The following BCAR3 variants were observed in gnomAD, a reference collection of about 807,000 sequenced individuals.
BCAR3 encodes BCAR3 adaptor protein, NSP family member.
BCAR3 carries 37 observed loss-of-function variants against 80.1 expected under a neutral mutation model. That is an observed-to-expected ratio of 0.46 (90% CI 0.36 to 0.61). The LOEUF (loss-of-function observed/expected upper bound fraction) is 0.61, where lower values mean the gene tolerates loss of function less well. BCAR3 is among the 20% of genes least tolerant of loss of function. The pLI is 0.00. For missense variants in BCAR3, 978 were observed against 1,068.2 expected (o/e 0.92, Z 1.18); for synonymous variants, 389 against 418.9 (o/e 0.93, Z 0.87).
chr1:93,647,326 C>T (rs1165164826), intron 2 of BCAR3, among the ~76,000 whole-genome samples: 2 of 152,140 alleles, frequency 1.3e-5, no homozygotes, highest in Non-Finnish European at 2.9e-5. Context: ...AGAGATGCAC[C>T]TCCTTGCTGG....
intron 3 of BCAR3, among the ~76,000 whole-genome samples, chr1:93,595,937 A>G (rs1484023420): frequency 1.3e-5 from 2 of 152,204 alleles, no homozygotes; most frequent in East Asian, 3.9e-4. Flanking sequence ...TTCTGCTGCC[A>G]CGTGGGAAGA....
At chr1:93,661,135 G>A (rs1442502899) in intron 2 of BCAR3, among the ~76,000 whole-genome samples, 1 of 152,170 alleles carries the variant, frequency 6.6e-6, no homozygotes, top group East Asian at 1.9e-4. Flanking sequence ...CGCCTCCCGG[G>A]TTCAAGTGAT....
In BCAR3 at chr1:93,745,496, C is replaced by T. The variant is rs147931783; in HGVS notation, c.-62-39354G>A. Among the ~76,000 whole-genome samples, 138 of 151,446 alleles carry T rather than the reference C, an allele frequency of 9.1e-4. 3 individuals carry two copies. The East Asian group carries it at 0.025, about 27-fold the overall frequency. On this transcript the variant is annotated intron_variant, in intron 2 of 13. Transcript: ENST00000370244. ...AAATTAAAGGTGGGAGATCAAGATGCTTTTATCTTTCTCCTACCCCCCACC... is the reference window on the plus strand; with the variant it reads ...AAATTAAAGGTGGGAGATCAAGATGTTTTTATCTTTCTCCTACCCCCCACC...
chr1:93,758,509 C>T (rs4526623), intron 2 of BCAR3, among the ~76,000 whole-genome samples: 27,209 of 152,166 alleles, frequency 0.18, 3,527 homozygotes, highest in African/African-American at 0.36. Context: ...CACCCCTAAT[C>T]GGGAGCCAGT....
intron 2 of BCAR3, among the ~76,000 whole-genome samples, chr1:93,801,773 A>G (rs776898139): frequency 3.9e-5 from 6 of 152,164 alleles, no homozygotes; most frequent in Admixed American, 3.3e-4. Flanking sequence ...CAGTAGTAAC[A>G]TAGTAAGGCA....
intron 5 of BCAR3, among the ~76,000 whole-genome samples, chr1:93,584,684 TCC>T (rs1673870590): frequency 6.6e-6 from 1 of 152,068 alleles, no homozygotes; most frequent in African/African-American, 2.4e-5. Flanking sequence ...CCACACAGCC[TCC>T]TCCTGCTGAG....
At chr1:93,606,088 G>A (rs1674765034) in intron 3 of BCAR3, among the ~76,000 whole-genome samples, 1 of 152,184 alleles carries the variant, frequency 6.6e-6, no homozygotes, top group South Asian at 2.1e-4. Context: ...CACAAGATGG[G>A]TTTTGGCCAG....
rs373464426 is a variant in BCAR3, at chr1:93,567,264, A to G, written c.2299+15T>C. The G allele has an allele frequency of 1.5e-4, 237 of 1,613,016 alleles. No homozygotes were observed. The highest frequency in any genetic ancestry group is 1.8e-4 in the Non-Finnish European group (215 of 1,179,770). Reference sequence around the variant, plus strand: ...ATACAGTGTTAGAGAACAGCTTACAAAACCCATCTCTTACCTGCCAGGATC... The same window carrying G: ...ATACAGTGTTAGAGAACAGCTTACAGAACCCATCTCTTACCTGCCAGGATC... On this transcript the variant is annotated intron_variant, in intron 11 of 11. Coordinates refer to ENST00000260502, the MANE Select transcript of BCAR3 (RefSeq NM_003567.4).
rs12402671 is a variant in BCAR3, at chr1:93,823,114, C to T, written c.-63+22453G>A. The stretch of plus-strand genomic sequence containing the variant: ...AGTAGCCATCATGCCACTCTGAAGG[C>T]GTACAGCGTGGAAATGACAGAGCTG... On this transcript the variant is annotated intron_variant, in intron 2 of 13. Transcript: ENST00000370244. Among the ~76,000 whole-genome samples the T allele has an allele frequency of 8.3e-5, 11 of 132,076 alleles. 1 individual carries two copies. Among genetic ancestry groups the T allele is most frequent in the Admixed American group, 3.9e-4 (5 of 12,738 alleles). 86.6% of individuals were successfully genotyped at this position (132,076 alleles called of 152,430 possible). A position where few individuals can be genotyped will look rare whatever the true frequency, so the allele number is the denominator to read the frequency against.
At chr1:93,747,444 G>A (rs1651399579) in intron 2 of BCAR3, among the ~76,000 whole-genome samples, 1 of 151,680 alleles carries the variant, frequency 6.6e-6, no homozygotes, top group Admixed American at 6.5e-5. Context: ...TTCCAATCTT[G>A]AGTAACAGCA....
chr1:93,762,512 G>A (rs1402222789), intron 2 of BCAR3, among the ~76,000 whole-genome samples: 9 of 152,198 alleles, frequency 5.9e-5, no homozygotes, highest in Admixed American at 1.3e-4. Flanking sequence ...AGGAGGACAT[G>A]TGCTGATGGC....
intron 6 of BCAR3, among the ~76,000 whole-genome samples, chr1:93,583,591 G>A (rs55925711): frequency 3.9e-4 from 60 of 152,204 alleles, no homozygotes; most frequent in African/African-American, 1.4e-3. Context: ...GAGAGGAAGG[G>A]GAGTTGGCCT....
intron 2 of BCAR3, among the ~76,000 whole-genome samples, chr1:93,788,456 G>A (rs1653027307): frequency 6.6e-6 from 1 of 152,092 alleles, no homozygotes; most frequent in African/African-American, 2.4e-5. Context: ...GTGAGGTTTT[G>A]TTCCAAGACT....
At chr1:93,806,069 G>C (rs1283562315) in intron 2 of BCAR3, among the ~76,000 whole-genome samples, 2 of 152,132 alleles carry the variant, frequency 1.3e-5, no homozygotes, top group African/African-American at 4.8e-5. Flanking sequence ...AAGTTCTAAA[G>C]GGGTGATATA....
intron 2 of BCAR3, among the ~76,000 whole-genome samples, chr1:93,744,364 C>G (rs750485818): frequency 1.3e-5 from 2 of 152,078 alleles, no homozygotes; most frequent in Non-Finnish European, 2.9e-5. Flanking sequence ...TAAAATGAGC[C>G]TACTTTAGAG....
At chr1:93,657,425 A>G (rs236288) in intron 2 of BCAR3, among the ~76,000 whole-genome samples, 43,850 of 152,048 alleles carry the variant, frequency 0.29, 8,627 homozygotes, top group African/African-American at 0.57. Flanking sequence ...TTCCAGAGAC[A>G]AAAAAGAGGG....
In BCAR3 at chr1:93,592,174, A is replaced by G; in HGVS notation, c.486+91T>C. Reference sequence around the variant, plus strand: ...TTTGGTTACACAGGTGCTTCCGCCCATGTGGCCTCGGAGTGGGACCCTGCG... The same window carrying G: ...TTTGGTTACACAGGTGCTTCCGCCCGTGTGGCCTCGGAGTGGGACCCTGCG... On this transcript the variant is annotated intron_variant, in intron 4 of 11. Transcript: ENST00000260502. The surrounding 1 kb of genome is among the most constrained non-coding windows in gnomAD (Gnocchi z 4.8). 1 of 1,550,282 alleles carries G rather than the reference A, an allele frequency of 6.5e-7. No individual in the cohort carries two copies. Among genetic ancestry groups the G allele is most frequent in the South Asian group, 1.2e-5 (1 of 85,956 alleles).
intron 3 of BCAR3, among the ~76,000 whole-genome samples, chr1:93,693,937 T>C (rs1272874150): frequency 6.6e-6 from 1 of 152,204 alleles, no homozygotes; most frequent in East Asian, 1.9e-4. Context: ...GCACCTACTC[T>C]TGGCACTCTG....
chr1:93,809,056 G>T (rs1242404258), intron 2 of BCAR3, among the ~76,000 whole-genome samples: 1 of 152,188 alleles, frequency 6.6e-6, no homozygotes, highest in Non-Finnish European at 1.5e-5. Context: ...AGAGAAGCGG[G>T]AGGGAAGGGT....
Sources: allele counts gnomAD v4.1 joint callset (sites outside exome capture counted in the v4.1 genomes callset), GRCh38; gene constraint gnomAD v4.1.1; non-coding constraint Gnocchi (gnomAD v3.1); transcripts MANE v1.5; gene names NCBI Gene and HGNC (gene_info 2026-07-23, HGNC 2026-07-21).